The following SYN3 variants were observed in gnomAD, a reference collection of about 807,000 sequenced individuals.
SYN3 encodes synapsin-3.
In SYN3, 35 loss-of-function variants were observed where a neutral mutation model predicts 65.8. The observed-to-expected ratio is 0.53, with a 90% CI of 0.41 to 0.70. SYN3 has a LOEUF of 0.70. Among genes scored for constraint, SYN3 ranks in the 30% least tolerant of loss-of-function variants. The pLI is 0.00. For missense variants in SYN3, 680 were observed against 749.0 expected (o/e 0.91, Z 1.08); for synonymous variants, 270 against 292.9 (o/e 0.92, Z 0.80).
intron 7 of SYN3, among the ~76,000 whole-genome samples, chr22:32,567,579 ATTGGGATGGACTGAT>A (rs1364059457): frequency 1.3e-5 from 2 of 152,188 alleles, no homozygotes; most frequent in Admixed American, 1.3e-4. Context: ...TAGCTAAAAA[ATTGGGATGGACTGAT>A]ACATTTCACA....
chr22:32,927,994 A>C (rs1202814218), intron 4 of SYN3, among the ~76,000 whole-genome samples: 1 of 152,226 alleles, frequency 6.6e-6, no homozygotes, highest in Non-Finnish European at 1.5e-5. Context: ...AAGGGGCTGC[A>C]TCCCAATAAA....
At position 32,961,288 on chromosome 22, in the gene SYN3, G is replaced by T. The variant is rs908270779; in HGVS notation, c.369+19357C>A. Among the ~76,000 whole-genome samples the T allele has an allele frequency of 5.9e-5, 9 of 152,240 alleles. 1 individual carries two copies. Among genetic ancestry groups the T allele is most frequent in the East Asian group, 3.9e-4 (2 of 5,172 alleles). ...GCTACTAATACAGAAGAGGAGACAG[G>T]TTAGGCTAAGCGTATCTTCCTCTTT... On this transcript the variant is annotated intron_variant, in intron 3 of 13. Coordinates refer to ENST00000358763, the MANE Select transcript of SYN3 (RefSeq NM_003490.4).
At chr22:32,960,234 A>T (rs145570965) in intron 3 of SYN3, among the ~76,000 whole-genome samples, 1 of 152,090 alleles carries the variant, frequency 6.6e-6, no homozygotes, top group Non-Finnish European at 1.5e-5. Flanking sequence ...AAACCAACCA[A>T]CGCAGGCTCA....
intron 1 of SYN3, among the ~76,000 whole-genome samples, chr22:33,041,062 G>A (rs1258735988): frequency 6.6e-6 from 1 of 151,524 alleles, no homozygotes; most frequent in Non-Finnish European, 1.5e-5. Flanking sequence ...TTACAGGCAT[G>A]CGCCACCATC....
chr22:32,876,522 G>A (rs2048986552), intron 4 of SYN3, among the ~76,000 whole-genome samples: 1 of 151,558 alleles, frequency 6.6e-6, no homozygotes, highest in Admixed American at 6.6e-5. Flanking sequence ...CCAAAATGCT[G>A]GCCTTAAAGA....
intron 6 of SYN3, among the ~76,000 whole-genome samples, chr22:32,619,759 C>T (rs1278802054): frequency 1.3e-5 from 2 of 152,132 alleles, no homozygotes; most frequent in African/African-American, 4.8e-5. Context: ...TTTCTTTGGC[C>T]AAGGCAGTGC....
At position 32,641,607 on chromosome 22, in the gene SYN3, C is replaced by CAAAAAAAAA. The variant is rs34461957; in HGVS notation, c.712-44880_712-44872dup. Reference sequence around the variant, plus strand: ...TGGGCGACAGAGCAAGACTCCATCTCAAAAAAAAAAAAAAAAAAAAAAATT... The same window carrying CAAAAAAAAA: ...TGGGCGACAGAGCAAGACTCCATCTCAAAAAAAAAAAAAAAAAAAAAAAAAAAAAAAATT... On this transcript the variant is annotated intron_variant, in intron 6 of 13. Transcript: ENST00000358763. Among the ~76,000 whole-genome samples, 14 of 67,962 alleles carry CAAAAAAAAA rather than the reference C, an allele frequency of 2.1e-4. 1 individual carries two copies. The South Asian group carries it at 2.9e-3, about 14-fold the overall frequency. The allele number at this position is 67,962 out of a possible 152,430, so 44.6% of individuals were successfully genotyped here. A position where few individuals can be genotyped will look rare whatever the true frequency, so the allele number is the denominator to read the frequency against.
intron 7 of SYN3, among the ~76,000 whole-genome samples, chr22:32,580,749 T>C (rs561578456): frequency 7.2e-5 from 11 of 152,368 alleles, no homozygotes; most frequent in African/African-American, 2.6e-4. Flanking sequence ...CTGTGGTTGC[T>C]TTCCCACTAC....
chr22:32,655,130 G>T (rs780373621), intron 6 of SYN3, among the ~76,000 whole-genome samples: 8 of 152,188 alleles, frequency 5.3e-5, no homozygotes, highest in Non-Finnish European at 1.0e-4. Flanking sequence ...CCTTTGGGAG[G>T]CTTCAGAGAG....
intron 6 of SYN3, among the ~76,000 whole-genome samples, chr22:32,854,583 G>A (rs576012037): frequency 3.1e-4 from 47 of 152,248 alleles, no homozygotes; most frequent in African/African-American, 1.1e-3. Context: ...GTCAGGGTAG[G>A]GGATGTTCTT....
At chr22:32,815,040 C>G (rs1349287205) in intron 6 of SYN3, among the ~76,000 whole-genome samples, 1 of 152,214 alleles carries the variant, frequency 6.6e-6, no homozygotes, top group African/African-American at 2.4e-5. Flanking sequence ...ATTTTACACT[C>G]ATAGCATATC....
chr22:32,960,822 G>A lies in SYN3; in HGVS notation c.369+19823C>T, dbSNP rs5998671. Among the ~76,000 whole-genome samples, 1,492 of 152,240 alleles carry A rather than the reference G, an allele frequency of 9.8e-3. 23 individuals carry two copies. The highest frequency in any genetic ancestry group is 0.034 in the African/African-American group (1,425 of 41,534). ...TGCATTTCTAGAACTTCCTAGCTCT[G>A]GGATCTTGGGGAAATCACAGGCCCT... On this transcript the variant is annotated intron_variant, in intron 3 of 13. Coordinates refer to ENST00000358763, the MANE Select transcript of SYN3 (RefSeq NM_003490.4).
chr22:32,513,736 T>C lies in SYN3; in HGVS notation c.1699A>G (p.Ile567Val). The C allele has an allele frequency of 6.2e-7, 1 of 1,614,194 alleles. No homozygotes were observed. The highest frequency in any genetic ancestry group is 8.5e-7 in the Non-Finnish European group (1 of 1,180,042). The change falls in exon 14 of 14, where the codon ATC becomes GTC. Residue 567 changes from isoleucine (I) to valine (V), a missense_variant. Ile to Val is a conservative substitution (Grantham distance 29, BLOSUM62 3). Transcript: ENST00000358763. ...PSEDEAKAET[I>V]RNLRKSFASL... is the part of the protein sequence containing the mutation. ...GCAAAAGACTTCCTCAGGTTGCGGA[T>C]GGTTTCAGCCTTGGCCTCGTCTTCA...
At chr22:32,550,470 G>C (rs1220155460) in intron 7 of SYN3, among the ~76,000 whole-genome samples, 2 of 151,142 alleles carry the variant, frequency 1.3e-5, no homozygotes, top group Non-Finnish European at 2.9e-5. Flanking sequence ...TATTCAACTT[G>C]TTAGTAATAA....
intron 4 of SYN3, among the ~76,000 whole-genome samples, chr22:32,898,663 T>C (rs558383756): frequency 2.4e-4 from 36 of 152,348 alleles, no homozygotes; most frequent in African/African-American, 8.7e-4. Flanking sequence ...AATCCCTATA[T>C]ACATATATGC....
At chr22:32,825,657 C>CAAAAAAAAA (rs130292) in intron 6 of SYN3, among the ~76,000 whole-genome samples, 3 of 28,594 alleles carry the variant, frequency 1.0e-4, no homozygotes, top group Admixed American at 7.0e-4. Context: ...GTTTCCATCT[C>CAAAAAAAAA]AAAAAAAAAA....
chr22:32,692,392 G>C (rs2060677002), intron 6 of SYN3, among the ~76,000 whole-genome samples: 1 of 152,136 alleles, frequency 6.6e-6, no homozygotes, highest in African/African-American at 2.4e-5. Context: ...TCAGAGGATG[G>C]CCAGCCTTTG....
intron 6 of SYN3, among the ~76,000 whole-genome samples, chr22:32,842,398 A>G (rs377354590): frequency 3.9e-5 from 6 of 152,256 alleles, no homozygotes; most frequent in Middle Eastern, 6.8e-3. Context: ...TCACCTAGAC[A>G]TCATCAAAGC....
At chr22:32,572,974 C>T (rs374114416) in intron 7 of SYN3, among the ~76,000 whole-genome samples, 3 of 152,298 alleles carry the variant, frequency 2.0e-5, no homozygotes, top group Admixed American at 6.5e-5. Flanking sequence ...AATGGTGTCC[C>T]GGAGCTGGCT....
Sources: gnomAD v4.1 joint callset for allele counts (sites outside exome capture counted in the v4.1 genomes callset) on GRCh38, gnomAD v4.1.1 for gene constraint, MANE v1.5 for transcripts, NCBI Gene and HGNC (gene_info 2026-07-23, HGNC 2026-07-21) for gene names.